GUCY1A2: variants seen among roughly 807,000 people sequenced by gnomAD.
GUCY1A2 encodes guanylate cyclase soluble subunit alpha-2.
Under a neutral mutation model 63.5 loss-of-function variants are expected in GUCY1A2, and 27 were observed. The observed-to-expected ratio is 0.43, with a 90% CI of 0.31 to 0.59. The LOEUF (loss-of-function observed/expected upper bound fraction) is 0.59. Among genes scored for constraint, GUCY1A2 ranks in the 20% least tolerant of loss-of-function variants. GUCY1A2 has a pLI of 0.11. For synonymous variants in GUCY1A2, 364 were observed against 343.5 expected (o/e 1.06, Z -0.66); for missense variants, 768 against 913.3 (o/e 0.84, Z 2.05).
intron 4 of GUCY1A2, among the ~76,000 whole-genome samples, chr11:106,909,315 T>G (rs1042231464): frequency 7.9e-5 from 12 of 151,150 alleles, no homozygotes; most frequent in African/African-American, 2.7e-4. Context: ...TTGACATTGA[T>G]AAAATCTATC....
Position 106,978,696 on chromosome 11 carries a change from C to T in GUCY1A2, c.410G>A (p.Cys137Tyr), listed in dbSNP as rs988580968. Residue 137 changes from cysteine to tyrosine, a missense_variant, in exon 3 of 8, where the codon TGC becomes TAC. Cys to Tyr is a radical substitution (Grantham distance 194). Coordinates refer to ENST00000526355, the MANE Select transcript of GUCY1A2 (RefSeq NM_000855.3). The stretch of plus-strand genomic sequence containing the variant: ...TTTGTTGGAGTGGTCTGCATAGGAG[C>T]ATCTGTTAGAGATATTGTGGAAATT... ...EKNFHNISNR[C>Y]SYADHSNKEE... 3.1e-6 allele frequency: 5 copies of T among 1,590,012 alleles called. No individual in the cohort carries two copies. Among genetic ancestry groups the T allele is most frequent in the Non-Finnish European group, 4.3e-6 (5 of 1,159,032 alleles).
intron 6 of GUCY1A2, 78 bp from the exon 7 acceptor site, chr11:106,708,744 A>C (rs899881072): frequency 2.0e-5 from 16 of 789,512 alleles, no homozygotes; most frequent in Non-Finnish European, 3.0e-5. Context: ...AGGCACTGCT[A>C]ATTAATAATA....
chr11:106,930,001 T>C (rs1220017073), intron 4 of GUCY1A2, among the ~76,000 whole-genome samples: 1 of 152,224 alleles, frequency 6.6e-6, no homozygotes, highest in East Asian at 1.9e-4. Flanking sequence ...CTTTTAAATA[T>C]TAATATTTTG....
chr11:106,682,042 T>C lies in GUCY1A2; in HGVS notation c.*5507A>G. ...AATGTTGTAATATACTGCACAGCTC[T>C]GGCAGTAACTAAGAAAATGGTACTG... On this transcript the variant is annotated 3_prime_UTR_variant, in exon 8 of 8. Coordinates refer to ENST00000526355, the MANE Select transcript of GUCY1A2 (RefSeq NM_000855.3). 4.7e-6 allele frequency: 1 copy of C among 210,784 alleles called. No individual in the cohort carries two copies. The highest frequency in any genetic ancestry group is 9.5e-6 in the Non-Finnish European group (1 of 105,734). The allele number at this position is 210,784 out of a possible 1,614,324, so 13.1% of individuals were successfully genotyped here.
intron 6 of GUCY1A2, among the ~76,000 whole-genome samples, chr11:106,713,092 C>T (rs1218501259): frequency 1.3e-5 from 2 of 152,108 alleles, no homozygotes; most frequent in Non-Finnish European, 2.9e-5. Context: ...CTGGTTTGCC[C>T]CTCCCTGAGC....
chr11:106,926,120 T>C (rs1452742542), intron 4 of GUCY1A2, among the ~76,000 whole-genome samples: 2 of 152,052 alleles, frequency 1.3e-5, no homozygotes. Context: ...CAAAAACATC[T>C]AGAAATTTAT....
At chr11:106,723,753 G>A (rs1019664660) in intron 6 of GUCY1A2, among the ~76,000 whole-genome samples, 3 of 152,182 alleles carry the variant, frequency 2.0e-5, no homozygotes, top group East Asian at 1.9e-4. Flanking sequence ...AATCCAGGAG[G>A]CGGAGGAAGC....
intron 4 of GUCY1A2, among the ~76,000 whole-genome samples, chr11:106,815,815 G>A (rs191977215): frequency 2.0e-5 from 3 of 151,612 alleles, no homozygotes; most frequent in Non-Finnish European, 4.4e-5. Flanking sequence ...ACACACAAAG[G>A]AGAAGGTGAC....
intron 4 of GUCY1A2, among the ~76,000 whole-genome samples, chr11:106,856,398 G>T (rs1035876909): frequency 6.6e-6 from 1 of 151,914 alleles, no homozygotes; most frequent in Non-Finnish European, 1.5e-5. Flanking sequence ...ATGACAGAAA[G>T]AACCACAGAG....
intron 4 of GUCY1A2, chr11:106,827,175 A>T (rs7128654): frequency 4.0e-6 from 6 of 1,500,938 alleles, no homozygotes; most frequent in Non-Finnish European, 5.6e-6. Context: ...TCAAGCCTTC[A>T]TGCCAATCTG....
rs924269993 is a variant in GUCY1A2 at position 106,776,454 on chromosome 11, A to G, written c.1821T>C (p.Asp607=). The stretch of plus-strand genomic sequence containing the variant: ...GGAGGGTTACCTGAATCGGTCTTCC[A>G]TCAGGTGTCAGCACCTCTTCTGAAA... ...MELSEEVLTP[D]GRPIQMRIGI... is the part of the protein sequence containing the mutation. The change falls in exon 6 of 8, where the codon GAT becomes GAC. Residue 607 remains aspartate (D), a synonymous_variant. Transcript: ENST00000526355. 6.2e-6 allele frequency: 10 copies of G among 1,613,650 alleles called. No individual in the cohort carries two copies. Among genetic ancestry groups the G allele is most frequent in the East Asian group, 2.2e-5 (1 of 44,856 alleles).
At chr11:106,972,587 C>T (rs1444716674) in intron 3 of GUCY1A2, among the ~76,000 whole-genome samples, 1 of 151,962 alleles carries the variant, frequency 6.6e-6, no homozygotes, top group Non-Finnish European at 1.5e-5. Flanking sequence ...CCATGTTCTT[C>T]CAGCAAAAAA....
intron 6 of GUCY1A2, among the ~76,000 whole-genome samples, chr11:106,765,002 G>T (rs1407688901): frequency 7.1e-6 from 1 of 141,304 alleles, no homozygotes; most frequent in East Asian, 2.2e-4. Flanking sequence ...AATAAATAGT[G>T]CATAAAGACA....
chr11:106,923,788 C>T (rs1035227845), intron 4 of GUCY1A2, among the ~76,000 whole-genome samples: 1 of 151,804 alleles, frequency 6.6e-6, no homozygotes, highest in Non-Finnish European at 1.5e-5. Context: ...AAAATAAAAG[C>T]CTTATGAGAC....
intron 1 of GUCY1A2, among the ~76,000 whole-genome samples, chr11:106,988,409 G>A (rs1012806329): frequency 6.6e-6 from 1 of 152,144 alleles, no homozygotes; most frequent in African/African-American, 2.4e-5. Context: ...GGAACAGAAA[G>A]CAGGAACTAG....
intron 3 of GUCY1A2, among the ~76,000 whole-genome samples, chr11:106,952,096 T>C (rs1470402393): frequency 6.6e-6 from 1 of 152,218 alleles, no homozygotes; most frequent in Non-Finnish European, 1.5e-5. Flanking sequence ...CATTGGTCTA[T>C]ATGTCGGTTT....
chr11:106,760,359 T>TA (rs1157714836), intron 6 of GUCY1A2, among the ~76,000 whole-genome samples: 16 of 152,178 alleles, frequency 1.1e-4, no homozygotes, highest in Non-Finnish European at 1.6e-4. Context: ...TGAGATTATG[T>TA]AGTTGGAACA....
chr11:106,824,809 A>G, intron 4 of GUCY1A2: 3 of 1,578,852 alleles, frequency 1.9e-6, no homozygotes, highest in Non-Finnish European at 2.6e-6. Flanking sequence ...TTGTAGGCTG[A>G]ATCGTCTCAA....
chr11:106,985,123 G>A (rs1049727580), intron 2 of GUCY1A2, among the ~76,000 whole-genome samples: 1 of 152,114 alleles, frequency 6.6e-6, no homozygotes, highest in Non-Finnish European at 1.5e-5. Context: ...TGATCCCTAT[G>A]GCAATGGCTA....
Sources: allele counts gnomAD v4.1 joint callset (sites outside exome capture counted in the v4.1 genomes callset), GRCh38; gene constraint gnomAD v4.1.1; transcripts MANE v1.5; gene names NCBI Gene and HGNC (gene_info 2026-07-23, HGNC 2026-07-21).